The following DZANK1 variants were observed in gnomAD, a reference collection of about 807,000 sequenced individuals.
DZANK1 encodes the protein double zinc ribbon and ankyrin repeat domains 1, also known as double zinc ribbon and ankyrin repeat-containing protein 1.
DZANK1 carries 91 observed loss-of-function variants against 94.5 expected under a neutral mutation model. The observed-to-expected ratio is 0.96, with a 90% CI of 0.81 to 1.15. The LOEUF (loss-of-function observed/expected upper bound fraction) is 1.15. DZANK1 is among the 50% of genes most tolerant of loss of function. The probability of loss-of-function intolerance (pLI) is 0.00; values close to 1 mark genes in which losing one functional copy is unlikely to be tolerated. For synonymous variants in DZANK1, 312 were observed against 325.3 expected (o/e 0.96, Z 0.44); for missense variants, 903 against 916.4 (o/e 0.99, Z 0.19).
At chr20:18,396,314 CTTGT>C (rs990636913) in intron 15 of DZANK1, among the ~76,000 whole-genome samples, 154 bp downstream of exon 15, 4 of 152,342 alleles carry the variant, frequency 2.6e-5, no homozygotes, top group East Asian at 1.9e-4. Flanking sequence ...TGAGGTTTAA[CTTGT>C]TTATCTAATT....
chr20:18,415,489 A>G (rs1307580404), intron 10 of DZANK1, 40 bp from the exon 11 acceptor site: 2 of 1,356,230 alleles, frequency 1.5e-6, no homozygotes, highest in Non-Finnish European at 1.9e-6. Context: ...GATCAGTACT[A>G]TATTCTCTAA....
At chr20:18,425,394 T>C (rs1349106418) in intron 10 of DZANK1, among the ~76,000 whole-genome samples, 1 of 151,904 alleles carries the variant, frequency 6.6e-6, no homozygotes, top group East Asian at 1.9e-4. Context: ...CTACTAAAAA[T>C]ACAAAAATTA....
intron 10 of DZANK1, among the ~76,000 whole-genome samples, chr20:18,419,683 C>G (rs990588765): frequency 2.0e-5 from 3 of 151,950 alleles, no homozygotes; most frequent in Non-Finnish European, 4.4e-5. Flanking sequence ...ACATATTCAT[C>G]AAAAATACTC....
Position 18,384,550 on chromosome 20 carries a change from A to G in DZANK1, c.2108T>C (p.Ile703Thr), listed in dbSNP as rs748349470. 9.3e-6 allele frequency: 15 copies of G among 1,604,694 alleles called. No individual in the cohort carries two copies. In the African/African-American group the frequency reaches 1.9e-4, roughly 20 times the overall value. The change falls in exon 21 of 21, where the codon ATC becomes ACC. Residue 703 changes from isoleucine (I) to threonine (T), a missense_variant. Ile to Thr is a moderately conservative substitution (Grantham distance 89, BLOSUM62 -1). Transcript: ENST00000262547. ...CTGGCCTCCTGCATTCTTCTTTTGG[A>G]TGCTTGCATTGCATCTGCAAAGGAA...
At chr20:18,436,775 T>G (rs1338536808) in intron 8 of DZANK1, among the ~76,000 whole-genome samples, 1 of 151,956 alleles carries the variant, frequency 6.6e-6, no homozygotes, top group East Asian at 1.9e-4. Context: ...CTTAAACACA[T>G]TATAATCAGA....
intron 13 of DZANK1, among the ~76,000 whole-genome samples, chr20:18,400,654 G>A (rs374535740): frequency 3.3e-5 from 5 of 152,182 alleles, no homozygotes; most frequent in African/African-American, 9.7e-5. Context: ...TCTGGCTTGG[G>A]GCATCTGGAG....
chr20:18,464,259 G>C (rs1173858584), intron 2 of DZANK1, among the ~76,000 whole-genome samples: 1 of 151,940 alleles, frequency 6.6e-6, no homozygotes, highest in Non-Finnish European at 1.5e-5. Context: ...TTTTAGTAGA[G>C]ACAGGAGGCT....
chr20:18,460,261 G>C (rs200430195), exon 3 of DZANK1: 1 of 1,588,636 alleles, frequency 6.3e-7, no homozygotes, highest in East Asian at 2.3e-5. Flanking sequence ...TAGAAATTCA[G>C]GTTTGCTGCC....
At position 18,458,270 on chromosome 20, in the gene DZANK1, G is replaced by A. The variant is rs117977600; in HGVS notation, c.263+1883C>T. Among the ~76,000 whole-genome samples, 571 of 152,220 alleles carry A rather than the reference G, an allele frequency of 3.8e-3. 7 individuals are homozygous for A. In the South Asian group the frequency reaches 0.04, roughly 11 times the overall value. ...AATAAGTATCCCTGGATCTTAGGGC[G>A]GAAGATTTATGAATCTTTAAATCTG... On this transcript the variant is annotated intron_variant, in intron 3 of 20. Coordinates refer to ENST00000262547, the Ensembl canonical transcript of DZANK1.
In DZANK1 at chr20:18,465,385, T is replaced by C. The variant is rs780203342; in HGVS notation, c.-19-8A>G. ...TTCTCTCTCTCTCTCTCTCTCTATA[T>C]ATATATACATATAAATTCCAATGTA... On this transcript the variant is annotated splice_region_variant and splice_polypyrimidine_tract_variant and intron_variant, in intron 1 of 20. Coordinates refer to ENST00000262547, the Ensembl canonical transcript of DZANK1. 1.3e-5 allele frequency: 15 copies of C among 1,186,058 alleles called. No individual in the cohort carries two copies. Among genetic ancestry groups the C allele is most frequent in the East Asian group, 2.8e-5 (1 of 35,212 alleles). 73.5% of individuals were successfully genotyped at this position (1,186,058 alleles called of 1,614,324 possible).
chr20:18,439,285 ATATGTACT>A (rs1437318013), intron 8 of DZANK1, among the ~76,000 whole-genome samples: 4 of 152,170 alleles, frequency 2.6e-5, no homozygotes, highest in Non-Finnish European at 5.9e-5. Flanking sequence ...AAGACTTATG[ATATGTACT>A]TGCAAAGCTC....
In DZANK1 at chr20:18,455,227, A is replaced by G. The variant is rs1160517428; in HGVS notation, c.378+20T>C. On this transcript the variant is annotated intron_variant, in intron 4 of 20. Transcript: ENST00000262547. ...CAAAATACAGTGACAATCTGAATGG[A>G]TTATAGTTTCATTACTTGCCTGCCT... 1 of 1,559,582 alleles carries G rather than the reference A, an allele frequency of 6.4e-7. No individual in the cohort carries two copies. The highest frequency in any genetic ancestry group is 8.7e-7 in the Non-Finnish European group (1 of 1,143,098).
chr20:18,458,596 G>A (rs111291732), intron 3 of DZANK1, among the ~76,000 whole-genome samples: 17 of 151,974 alleles, frequency 1.1e-4, no homozygotes, highest in Non-Finnish European at 2.4e-4. Context: ...TAACTTATTC[G>A]CCTCAGCATC....
chr20:18,426,137 G>A (rs978639645), intron 10 of DZANK1, among the ~76,000 whole-genome samples: 1 of 152,208 alleles, frequency 6.6e-6, no homozygotes, highest in Admixed American at 6.5e-5. Flanking sequence ...CAGGAGGTGA[G>A]TGCTCCGCCT....
At chr20:18,401,965 G>C (rs2056706855) in intron 13 of DZANK1, among the ~76,000 whole-genome samples, 1 of 152,172 alleles carries the variant, frequency 6.6e-6, no homozygotes, top group Non-Finnish European at 1.5e-5. Flanking sequence ...GGTCATCTCT[G>C]CAGACAATCT....
At chr20:18,443,619 T>A (rs189633711) in intron 7 of DZANK1, among the ~76,000 whole-genome samples, 155 bp from the exon 8 acceptor site, 4 of 152,210 alleles carry the variant, frequency 2.6e-5, no homozygotes, top group African/African-American at 9.6e-5. Context: ...GAAATACTTA[T>A]CTAGGTCATT....
intron 9 of DZANK1, among the ~76,000 whole-genome samples, chr20:18,428,447 A>G (rs2058148337): frequency 6.6e-6 from 1 of 152,114 alleles, no homozygotes; most frequent in African/African-American, 2.4e-5. Flanking sequence ...TCAGGCTCCC[A>G]AAGTGCTGGG....
At chr20:18,422,784 G>A (rs2148519950) in intron 10 of DZANK1, among the ~76,000 whole-genome samples, 1 of 142,260 alleles carries the variant, frequency 7.0e-6, no homozygotes, top group East Asian at 2.0e-4. Flanking sequence ...GAAGTGTGAT[G>A]TCTCTGGCTT....
chr20:18,387,329 T>C (rs1403156344), intron 19 of DZANK1, among the ~76,000 whole-genome samples: 2 of 152,236 alleles, frequency 1.3e-5, no homozygotes, highest in Non-Finnish European at 2.9e-5. Flanking sequence ...TTTTGGAAAA[T>C]GCTGAATGGT....
Sources: gnomAD v4.1 joint callset for allele counts (sites outside exome capture counted in the v4.1 genomes callset) on GRCh38, gnomAD v4.1.1 for gene constraint, MANE v1.5 for transcripts, NCBI Gene and HGNC (gene_info 2026-07-23, HGNC 2026-07-21) for gene names.